ERLEC1: variants seen among roughly 807,000 people sequenced by gnomAD.
ERLEC1 encodes ER lectin.
ERLEC1 carries 47 observed loss-of-function variants against 68.0 expected under a neutral mutation model. That is an observed-to-expected ratio of 0.69 (90% CI 0.55 to 0.88). The LOEUF (loss-of-function observed/expected upper bound fraction) is 0.88, where lower values mean the gene tolerates loss of function less well. ERLEC1 is among the 40% of genes least tolerant of loss of function. The pLI, the probability that ERLEC1 is intolerant of heterozygous loss-of-function variation, is 0.00. For missense variants in ERLEC1, 567 were observed against 583.8 expected (o/e 0.97, Z 0.30); for synonymous variants, 225 against 203.2 (o/e 1.11, Z -0.91).
chr2:53,789,918 C>G (rs1573059740), intron 1 of ERLEC1, among the ~76,000 whole-genome samples: 1 of 150,568 alleles, frequency 6.6e-6, no homozygotes, highest in Middle Eastern at 3.4e-3. Context: ...ACTTGGGAGG[C>G]TGAGGCAGGA....
At chr2:53,804,827 G>A (rs947071160) in intron 8 of ERLEC1, among the ~76,000 whole-genome samples, 1 of 151,750 alleles carries the variant, frequency 6.6e-6, no homozygotes, top group South Asian at 2.1e-4. Context: ...CCAGCCTATA[G>A]TAACCATCCT....
chr2:53,798,945 T>G, intron 5 of ERLEC1, 102 bp from the exon 6 acceptor site: 1 of 956,242 alleles, frequency 1.0e-6, no homozygotes, highest in Non-Finnish European at 1.6e-6. Context: ...TTTTGGACCT[T>G]CTTTAGAAAG....
intron 10 of ERLEC1, among the ~76,000 whole-genome samples, chr2:53,812,638 A>G (rs13402269): frequency 0.016 from 2,461 of 152,274 alleles, 66 homozygotes; most frequent in African/African-American, 0.056. Flanking sequence ...GAAGAGTCTA[A>G]AGCTGAAAAA....
At chr2:53,817,355 G>C (rs932136087) in intron 13 of ERLEC1, among the ~76,000 whole-genome samples, 7 of 151,848 alleles carry the variant, frequency 4.6e-5, no homozygotes, top group Non-Finnish European at 8.8e-5. Context: ...GAATGGTCTC[G>C]ATCTTCTGCC....
At chr2:53,808,150 C>A in intron 8 of ERLEC1, 149 bp from the exon 9 acceptor site, 1 of 763,572 alleles carries the variant, frequency 1.3e-6, no homozygotes, top group Non-Finnish European at 2.0e-6. Context: ...CTAAGTGCTG[C>A]AAAGTCCATT....
intron 5 of ERLEC1, among the ~76,000 whole-genome samples, chr2:53,798,699 G>A (rs1573077449): frequency 1.3e-5 from 2 of 151,500 alleles, no homozygotes; most frequent in Admixed American, 6.6e-5. Context: ...GTTATTATAT[G>A]TAGAAATAGA....
At chr2:53,806,611 T>C (rs145186816) in intron 8 of ERLEC1, among the ~76,000 whole-genome samples, 1 of 152,300 alleles carries the variant, frequency 6.6e-6, no homozygotes, top group African/African-American at 2.4e-5. Flanking sequence ...ACAGTCCTTG[T>C]TCTTCCTAAT....
Position 53,814,596 on chromosome 2 carries a change from C to T in ERLEC1, c.1280C>T (p.Pro427Leu). The T allele has an allele frequency of 6.2e-7, 1 of 1,610,842 alleles. No individual in the cohort carries two copies. Among genetic ancestry groups the T allele is most frequent in the Non-Finnish European group, 8.5e-7 (1 of 1,178,002 alleles). ...GATATTTGTGATATAACTGACAAAC[C>T]AAGACAGGTGACTGTAAAACTAAAG... ...NGDICDITDK[P>L]RQVTVKLKCK... Residue 427 changes from proline to leucine, a missense_variant, in exon 12 of 14, where the codon CCA becomes CTA. Physicochemically the swap from Pro to Leu is moderately conservative, Grantham distance 98 (BLOSUM62 -3). Transcript: ENST00000185150.
At chr2:53,799,908 A>T (rs565563399) in intron 6 of ERLEC1, among the ~76,000 whole-genome samples, 4 of 152,120 alleles carry the variant, frequency 2.6e-5, no homozygotes, top group Non-Finnish European at 4.4e-5. Context: ...ATTTACTGTG[A>T]CTCTGAAAGA....
At chr2:53,812,157 C>T (rs980927560) in intron 10 of ERLEC1, among the ~76,000 whole-genome samples, 8 of 152,108 alleles carry the variant, frequency 5.3e-5, no homozygotes, top group East Asian at 3.9e-4. Flanking sequence ...CAGGTGATTT[C>T]GCCCACCTCA....
At chr2:53,814,961 A>ATGGAATTTTTGATT in intron 13 of ERLEC1, 26 bp downstream of exon 13, 1 of 1,413,564 alleles carries the variant, frequency 7.1e-7, no homozygotes, top group Non-Finnish European at 9.8e-7. Flanking sequence ...AATAATCAAA[A>ATGGAATTTTTGATT]ATTCCATTTT....
At chr2:53,803,233 G>A (rs1325291861) in intron 8 of ERLEC1, among the ~76,000 whole-genome samples, 1 of 152,162 alleles carries the variant, frequency 6.6e-6, no homozygotes, top group Non-Finnish European at 1.5e-5. Flanking sequence ...AATATTACTG[G>A]ACTCTTTGTG....
intron 1 of ERLEC1, among the ~76,000 whole-genome samples, chr2:53,789,036 C>G (rs1675239505): frequency 1.3e-5 from 2 of 151,972 alleles, no homozygotes; most frequent in Non-Finnish European, 2.9e-5. Flanking sequence ...ATTGTCATTC[C>G]ATTTTCTTTC....
intron 8 of ERLEC1, among the ~76,000 whole-genome samples, chr2:53,806,704 A>G (rs1436618875): frequency 2.0e-5 from 3 of 152,196 alleles, no homozygotes; most frequent in Non-Finnish European, 2.9e-5. Context: ...AAGCAAAAGA[A>G]CCATAGCTGG....
chr2:53,794,508 G>GT (rs1193667362), intron 2 of ERLEC1, 59 bp downstream of exon 2: 1 of 763,946 alleles, frequency 1.3e-6, no homozygotes, highest in East Asian at 2.7e-5. Flanking sequence ...GTAAAACATT[G>GT]TAACTACATA....
At chr2:53,796,740 G>A (rs905140596) in intron 3 of ERLEC1, among the ~76,000 whole-genome samples, 3 of 152,078 alleles carry the variant, frequency 2.0e-5, no homozygotes, top group African/African-American at 7.2e-5. Context: ...GTGAGCGACT[G>A]TGCCCAGCTA....
chr2:53,811,096 A>T (rs779359735), intron 10 of ERLEC1, among the ~76,000 whole-genome samples: 1 of 152,216 alleles, frequency 6.6e-6, no homozygotes. Flanking sequence ...GGAAGGTATC[A>T]TGCACTGCTC....
chr2:53,794,781 A>G (rs1349328070), intron 2 of ERLEC1, among the ~76,000 whole-genome samples: 1 of 152,036 alleles, frequency 6.6e-6, no homozygotes, highest in Non-Finnish European at 1.5e-5. Context: ...CAGCCTCCCA[A>G]GTAGCTGGGA....
chr2:53,814,875 T>A lies in ERLEC1; in HGVS notation c.1320T>A (p.Asp440Glu). Residue 440 changes from aspartate (D) to glutamate (E), a missense_variant, in exon 13 of 14, where the codon GAT (aspartate) becomes GAA (glutamate). Asp to Glu is a conservative substitution (Grantham distance 45, BLOSUM62 2). Transcript: ENST00000185150. ...TCTGTTTTAGGTGCAAAGAATCAGA[T>A]TCACCTCATGCTGTTACTGTATATA... Reference protein sequence around the residue: ...VTVKLKCKESDSPHAVTVYML... With the variant: ...VTVKLKCKESESPHAVTVYML... 1 of 1,608,618 alleles carries A rather than the reference T, an allele frequency of 6.2e-7. No individual in the cohort carries two copies. Among genetic ancestry groups the A allele is most frequent in the Non-Finnish European group, 8.5e-7 (1 of 1,176,198 alleles).
Sources: gnomAD v4.1 joint callset for allele counts (sites outside exome capture counted in the v4.1 genomes callset) on GRCh38, gnomAD v4.1.1 for gene constraint, MANE v1.5 for transcripts, NCBI Gene and HGNC (gene_info 2026-07-23, HGNC 2026-07-21) for gene names.